Variants in ROBO4 observed in about 807,000 individuals in gnomAD.
ROBO4 encodes the protein roundabout homolog 4.
A neutral mutation model predicts 103.3 loss-of-function variants in ROBO4; 80 were observed. The observed-to-expected ratio is 0.77, with a 90% confidence interval of 0.65 to 0.93. The LOEUF is 0.93. ROBO4 is among the 40% of genes least tolerant of loss of function. ROBO4 has a pLI of 0.00. For synonymous variants in ROBO4, 504 were observed against 529.7 expected (o/e 0.95, Z 0.67); for missense variants, 1,333 against 1,305.3 (o/e 1.02, Z -0.33).
At chr11:124,895,715 G>C (rs767090068) in intron 5 of ROBO4, 30 bp from the exon 6 acceptor site, 2 of 1,611,852 alleles carry the variant, frequency 1.2e-6, no homozygotes, top group South Asian at 1.1e-5. Context: ...AAGGGCGGGG[G>C]GTCAGAGAGC....
intron 2 of ROBO4, 59 bp downstream of exon 2, chr11:124,896,873 C>G: frequency 6.4e-7 from 1 of 1,569,532 alleles, no homozygotes; most frequent in Non-Finnish European, 8.6e-7. Context: ...CTTGAACATT[C>G]AGCTCAGATG....
chr11:124,894,051 T>C lies in ROBO4; in HGVS notation c.1319-6A>G. ...GGCTCGCTCCATGGCCTGCTCTGTATGGGATGCAGAGCTCAGAGGGAGAGG... is the reference window on the plus strand; with the variant it reads ...GGCTCGCTCCATGGCCTGCTCTGTACGGGATGCAGAGCTCAGAGGGAGAGG... On this transcript the variant is annotated splice_polypyrimidine_tract_variant and splice_region_variant and intron_variant, in intron 8 of 17. Transcript: ENST00000306534. The C allele has an allele frequency of 1.3e-6, 2 of 1,542,742 alleles. No homozygotes were observed. Among genetic ancestry groups the C allele is most frequent in the Non-Finnish European group, 1.7e-6 (2 of 1,144,090 alleles).
Position 124,886,826 on chromosome 11 carries a change from G to C in ROBO4, c.2436-4C>G, listed in dbSNP as rs1181081830. 6.5e-7 allele frequency: 1 copy of C among 1,531,364 alleles called. No homozygotes were observed. The highest frequency in any genetic ancestry group is 2.0e-5 in the Admixed American group (1 of 49,126). 94.9% of individuals were successfully genotyped at this position (1,531,364 alleles called of 1,614,324 possible). A position where few individuals can be genotyped will look rare whatever the true frequency, so the allele number is the denominator to read the frequency against. ...TGGCATGGGAGAGACGCTGTTCCTA[G>C]GGAGAGGCAAAAGGGGAGACAGCAA... is the stretch of plus-strand genomic sequence containing the variant. On this transcript the variant is annotated splice_region_variant and splice_polypyrimidine_tract_variant and intron_variant, in intron 15 of 17. Coordinates refer to ENST00000306534, the MANE Select transcript of ROBO4 (RefSeq NM_019055.6).
At position 124,887,100 on chromosome 11, in the gene ROBO4, C is replaced by T. The variant is rs1295447864; in HGVS notation, c.2312G>A (p.Ser771Asn). ...GCTGGACAGGCGACTGGAAGCTGGG[C>T]TGGGGCCAGAGAGGGAAGAGGCCTG... is the stretch of plus-strand genomic sequence containing the variant. ...SPQASSLSGP[S>N]PASSRLSSSS... is the part of the protein sequence containing the mutation. The change falls in exon 15 of 18, where the codon AGC becomes AAC. Residue 771 changes from serine (S) to asparagine (N), a missense_variant. Coordinates refer to ENST00000306534, the MANE Select transcript of ROBO4 (RefSeq NM_019055.6). 2 of 1,613,494 alleles carry T rather than the reference C, an allele frequency of 1.2e-6. No individual in the cohort carries two copies. Among genetic ancestry groups the T allele is most frequent in the African/African-American group, 2.7e-5 (2 of 74,808 alleles).
intron 13 of ROBO4, 74 bp from the exon 14 acceptor site, chr11:124,887,573 C>T: frequency 1.9e-6 from 3 of 1,590,860 alleles, no homozygotes; most frequent in Non-Finnish European, 1.7e-6. Context: ...CCGGCCTGCC[C>T]ACCAGCCCCC....
chr11:124,891,761 C>A lies in ROBO4; in HGVS notation c.1589G>T (p.Arg530Leu). ...SDSQWLADTW[R>L]STSGSRDLSS... The stretch of plus-strand genomic sequence containing the variant: ...CAGGTCCCGAGAGCCAGAGGTGGAA[C>A]GCCAAGTGTCTGCCAACCACTGGGA... Residue 530 changes from arginine to leucine, a missense_variant, in exon 11 of 18, where the codon CGT (arginine) becomes CTT (leucine). Coordinates refer to ENST00000306534, the MANE Select transcript of ROBO4 (RefSeq NM_019055.6). 1.9e-6 allele frequency: 3 copies of A among 1,614,166 alleles called. No individual in the cohort carries two copies. The highest frequency in any genetic ancestry group is 1.6e-4 in the Middle Eastern group (1 of 6,062).
intron 5 of ROBO4, 25 bp from the exon 6 acceptor site, chr11:124,895,710 CG>C (rs767840343): frequency 1.2e-6 from 2 of 1,611,236 alleles, no homozygotes; most frequent in Non-Finnish European, 8.5e-7. Context: ...CGAGGAAGGG[CG>C]GGGGGTCAGA....
Position 124,897,769 on chromosome 11 carries a change from C to CA in ROBO4, c.26dup (p.Arg12GlnfsTer74). On this transcript the variant is annotated frameshift_variant, in exon 1 of 18. Coordinates refer to ENST00000306534, the MANE Select transcript of ROBO4 (RefSeq NM_019055.6). LOFTEE classifies it high-confidence loss of function. ...GCAGAGGCAGGGAACCCCTGCCCCC[C>CA]AGGAGGCTGTCTCCTCCAGAGCCCA... The CA allele has an allele frequency of 6.2e-7, 1 of 1,613,936 alleles. No individual in the cohort carries two copies. The highest frequency in any genetic ancestry group is 8.5e-7 in the Non-Finnish European group (1 of 1,179,912).
In ROBO4 at chr11:124,893,712, C is replaced by A. The variant is rs750808685; in HGVS notation, c.1523G>T (p.Ser508Ile). Residue 508 changes from serine (S) to isoleucine (I), a missense_variant, in exon 10 of 18, where the codon AGT (serine) becomes ATT (isoleucine). By Grantham distance (142) the Ser-to-Ile change is moderately radical (BLOSUM62 -2). Transcript: ENST00000306534. ...HLGPGLYRYT[S>I]EDAILKHRMD... The stretch of plus-strand genomic sequence containing the variant: ...CCTGTGTTTTAGGATGGCATCCTCA[C>A]TGGTATATCTGTACAGACCTGGGAG... 6.2e-6 allele frequency: 10 copies of A among 1,614,002 alleles called. No homozygotes were observed. Among genetic ancestry groups the A allele is most frequent in the Non-Finnish European group, 8.5e-6 (10 of 1,180,010 alleles).
At chr11:124,896,083 A>G (rs1946884665) in intron 4 of ROBO4, 115 bp downstream of exon 4, 2 of 1,523,346 alleles carry the variant, frequency 1.3e-6, no homozygotes, top group African/African-American at 1.4e-5. Context: ...GCTACGTGAG[A>G]CCCCCAGCAC....
Position 124,893,996 on chromosome 11 carries a change from C to A in ROBO4, c.1368G>T (p.Trp456Cys). The part of the protein sequence containing the change: ...ATQEPSEHGP[W>C]TLEQLRATLK... ...AGGTAGCCCTCAGCTGCTCCAGGGT[C>A]CAGGGACCATGCTCACTGGGTTCTT... The change falls in exon 9 of 18, where the codon TGG (tryptophan) becomes TGT (cysteine). Residue 456 changes from tryptophan (W) to cysteine (C), a missense_variant. Coordinates refer to ENST00000306534, the MANE Select transcript of ROBO4 (RefSeq NM_019055.6). The A allele has an allele frequency of 6.3e-7, 1 of 1,577,182 alleles. No homozygotes were observed. The highest frequency in any genetic ancestry group is 1.2e-5 in the South Asian group (1 of 83,938).
rs761540886 is a variant in ROBO4 at position 124,897,106 on chromosome 11, G to C, written c.226C>G (p.Pro76Ala). 3.8e-6 allele frequency: 6 copies of C among 1,596,892 alleles called. No homozygotes were observed. The highest frequency in any genetic ancestry group is 5.1e-6 in the Non-Finnish European group (6 of 1,170,210). The change falls in exon 2 of 18, where the codon CCC (proline) becomes GCC (alanine). Residue 76 changes from proline to alanine, a missense_variant. Transcript: ENST00000306534. ...GGCAGGAGGTGGTGTGGGTCTGGGG[G>C]CACCATGCTCAGGGGCTGCCCATTC... The part of the protein sequence containing the change: ...LLNGQPLSMV[P>A]PDPHHLLPDG...
chr11:124,884,986 T>C, intron 17 of ROBO4, 55 bp downstream of exon 17: 1 of 1,613,150 alleles, frequency 6.2e-7, no homozygotes, highest in African/African-American at 1.3e-5. Flanking sequence ...CCTGGCTTCT[T>C]CCCAGAGGCC....
chr11:124,891,446 C>T lies in ROBO4; in HGVS notation c.1801G>A (p.Val601Ile), dbSNP rs1946795559. 1 of 1,603,558 alleles carries T rather than the reference C, an allele frequency of 6.2e-7. No individual in the cohort carries two copies. Among genetic ancestry groups the T allele is most frequent in the Admixed American group, 1.7e-5 (1 of 59,590 alleles). The stretch of plus-strand genomic sequence containing the variant: ...GGTGGGAGGCGCCTGACAGCTGGGA[C>T]CTGGGGACTTGGCCTGGCTGGGGTA... ...SSTPARPSPQ[V>I]PAVRRLPPQL... The change falls in exon 12 of 18, where the codon GTC (valine) becomes ATC (isoleucine). Residue 601 changes from valine (V) to isoleucine (I), a missense_variant. Val to Ile is a conservative substitution (Grantham distance 29). Coordinates refer to ENST00000306534, the MANE Select transcript of ROBO4 (RefSeq NM_019055.6).
In ROBO4 at chr11:124,896,287, G is replaced by A. The variant is rs1394104692; in HGVS notation, c.590C>T (p.Ala197Val). ...VSGGSLLMARAEKSDEGTYMC... is the reference protein window; with the variant it reads ...VSGGSLLMARVEKSDEGTYMC... Reference sequence around the variant, plus strand: ...GTAGGTCCCTTCGTCACTCTTCTCTGCTCTTGCCATCAGCAGGGACCCCCC... The same window carrying A: ...GTAGGTCCCTTCGTCACTCTTCTCTACTCTTGCCATCAGCAGGGACCCCCC... Residue 197 changes from alanine (A) to valine (V), a missense_variant, in exon 4 of 18, where the codon GCA (alanine) becomes GTA (valine). Physicochemically the swap from Ala to Val is moderately conservative, Grantham distance 64. Coordinates refer to ENST00000306534, the MANE Select transcript of ROBO4 (RefSeq NM_019055.6). The A allele has an allele frequency of 6.2e-7, 1 of 1,613,992 alleles. No individual in the cohort carries two copies. Among genetic ancestry groups the A allele is most frequent in the Non-Finnish European group, 8.5e-7 (1 of 1,180,028 alleles).
intron 11 of ROBO4, 41 bp from the exon 12 acceptor site, chr11:124,891,603 C>T (rs750513411): frequency 2.5e-6 from 4 of 1,614,222 alleles, no homozygotes; most frequent in Non-Finnish European, 3.4e-6. Flanking sequence ...TGAGCATGTC[C>T]TGCTTTCCAT....
In ROBO4 at chr11:124,883,982, G is replaced by A. The variant is rs1234562428; in HGVS notation, c.*909C>T. 6.6e-6 allele frequency: 1 copy of A among 152,064 alleles called. No homozygotes were observed. Among genetic ancestry groups the A allele is most frequent in the African/African-American group, 2.4e-5 (1 of 41,406 alleles). 9.4% of individuals were successfully genotyped at this position (152,064 alleles called of 1,614,324 possible). A position where few individuals can be genotyped will look rare whatever the true frequency, so the allele number is the denominator to read the frequency against. ...TCCCTAAGGCTTATCTTGAGGAGGT[G>A]GATTTAATATAAGTTGCCAGGACCA... On this transcript the variant is annotated 3_prime_UTR_variant, in exon 18 of 18. Coordinates refer to ENST00000306534, the MANE Select transcript of ROBO4 (RefSeq NM_019055.6).
chr11:124,897,762 T>G lies in ROBO4; in HGVS notation c.34A>C (p.Arg12=), dbSNP rs79793746. Residue 12 remains arginine, a synonymous_variant, in exon 1 of 18, where the codon AGG becomes CGG. Coordinates refer to ENST00000306534, the MANE Select transcript of ROBO4 (RefSeq NM_019055.6). ...GSGGDSLLGG[R]GSLPLLLLLI... The stretch of plus-strand genomic sequence containing the variant: ...AGGAGCAGCAGAGGCAGGGAACCCC[T>G]GCCCCCCAGGAGGCTGTCTCCTCCA... The G allele has an allele frequency of 1.4e-3, 2,247 of 1,613,976 alleles. 20 individuals are homozygous for G. In the African/African-American group the frequency reaches 0.027, roughly 19 times the overall value.
In ROBO4 at chr11:124,886,922, G is replaced by A; in HGVS notation, c.2435+55C>T. On this transcript the variant is annotated intron_variant, in intron 15 of 17. Coordinates refer to ENST00000306534, the MANE Select transcript of ROBO4 (RefSeq NM_019055.6). ...GAGGGAGGGCGGAATGGGTGGAGAG[G>A]CGCTTGCCCCCACAGCTTTTCTGTA... 3 of 1,558,104 alleles carry A rather than the reference G, an allele frequency of 1.9e-6. No homozygotes were observed. The South Asian group carries it at 3.6e-5, about 19-fold the overall frequency.
Sources: gnomAD v4.1 joint callset for allele counts on GRCh38, gnomAD v4.1.1 for gene constraint, MANE v1.5 for transcripts, NCBI Gene and HGNC (gene_info 2026-07-23, HGNC 2026-07-21) for gene names.